INO80: variants seen among roughly 807,000 people sequenced by gnomAD.
INO80 encodes chromatin-remodeling ATPase INO80.
Under a neutral mutation model 203.4 loss-of-function variants are expected in INO80, and 20 were observed. The ratio of observed to expected loss-of-function variants is 0.10; its 90% CI spans 0.07 to 0.14. The LOEUF is 0.14. INO80 is among the 10% of genes least tolerant of loss of function. The pLI is 1.00. For synonymous variants in INO80, 726 were observed against 685.2 expected (o/e 1.06, Z -0.93); for missense variants, 1,419 against 1,914.4 (o/e 0.74, Z 4.83).
chr15:40,980,324 CATT>C lies in INO80; in HGVS notation c.4567_4569del (p.Asn1523del), dbSNP rs866276351. ...TGGAGGTTCTTGGGATTCCCAGGAA[CATT>C]ATTTCCCTTGCTCAAAGGGGAACTC... On this transcript the variant is annotated inframe_deletion, in exon 36 of 36. Transcript: ENST00000648947. The C allele has an allele frequency of 1.2e-6, 2 of 1,614,044 alleles. No individual in the cohort carries two copies. The highest frequency in any genetic ancestry group is 1.7e-6 in the Non-Finnish European group (2 of 1,180,028).
chr15:41,029,926 C>T (rs762161758), intron 24 of INO80, among the ~76,000 whole-genome samples: 4 of 152,218 alleles, frequency 2.6e-5, no homozygotes, highest in Non-Finnish European at 5.9e-5. Context: ...TCATCACCGC[C>T]AGCTAAGTAG....
In INO80 at chr15:41,036,286, A is replaced by C. The variant is rs115027920; in HGVS notation, c.2908-8550T>G. On this transcript the variant is annotated intron_variant, in intron 24 of 35. Coordinates refer to ENST00000648947, the MANE Select transcript of INO80 (RefSeq NM_017553.3). ...TGTTTTAGTCTCTAGGTTTTAAGATAACATGTTATATAACTACTACTACAG... is the reference window on the plus strand; with the variant it reads ...TGTTTTAGTCTCTAGGTTTTAAGATCACATGTTATATAACTACTACTACAG... Among the ~76,000 whole-genome samples, 894 of 152,076 alleles carry C rather than the reference A, an allele frequency of 5.9e-3. 9 individuals are homozygous for C. The highest frequency in any genetic ancestry group is 0.021 in the African/African-American group (863 of 41,468).
At chr15:41,075,541 G>A (rs1404084030) in intron 9 of INO80, among the ~76,000 whole-genome samples, 1 of 152,112 alleles carries the variant, frequency 6.6e-6, no homozygotes, top group Non-Finnish European at 1.5e-5. Context: ...TGCAAGCACT[G>A]CCTCCTGGGT....
chr15:41,044,269 T>C (rs2044717133), intron 24 of INO80, among the ~76,000 whole-genome samples: 1 of 152,230 alleles, frequency 6.6e-6, no homozygotes, highest in African/African-American at 2.4e-5. Flanking sequence ...AGGGGTTTTA[T>C]TCATAATAGC....
intron 28 of INO80, among the ~76,000 whole-genome samples, chr15:41,001,079 C>G (rs2043953551): frequency 6.6e-6 from 1 of 152,170 alleles, no homozygotes; most frequent in African/African-American, 2.4e-5. Context: ...GTATCTAAAT[C>G]AAACTACTAA....
At chr15:41,036,106 A>C (rs541843035) in intron 24 of INO80, among the ~76,000 whole-genome samples, 141 of 136,272 alleles carry the variant, frequency 1.0e-3, no homozygotes, top group African/African-American at 3.5e-3. Flanking sequence ...CAGTGAGCCG[A>C]GATCGCACCA....
chr15:41,033,057 CA>C (rs974655889), intron 24 of INO80, among the ~76,000 whole-genome samples: 2 of 151,896 alleles, frequency 1.3e-5, no homozygotes, highest in African/African-American at 2.4e-5. Flanking sequence ...AAAAAACAAA[CA>C]AAAAAAACTT....
intron 5 of INO80, among the ~76,000 whole-genome samples, chr15:41,088,291 C>T (rs555407488): frequency 4.6e-5 from 7 of 151,918 alleles, no homozygotes; most frequent in African/African-American, 1.7e-4. Flanking sequence ...GGTTTCACCA[C>T]GTTGGCCAGG....
intron 29 of INO80, among the ~76,000 whole-genome samples, chr15:40,989,573 A>G (rs1342060880): frequency 6.6e-6 from 1 of 152,080 alleles, no homozygotes; most frequent in Non-Finnish European, 1.5e-5. Context: ...CTCACAACCT[A>G]CATCTGGATT....
chr15:40,987,367 T>C (rs1156994331), intron 30 of INO80, among the ~76,000 whole-genome samples, 174 bp from the exon 31 acceptor site: 2 of 152,240 alleles, frequency 1.3e-5, no homozygotes, highest in African/African-American at 4.8e-5. Flanking sequence ...CCAGATTATT[T>C]GTCCGACAGA....
intron 30 of INO80, 96 bp downstream of exon 30, chr15:40,987,720 A>C: frequency 8.4e-7 from 1 of 1,188,944 alleles, no homozygotes; most frequent in Non-Finnish European, 1.2e-6. Context: ...GGACCAATGA[A>C]AGGCAAGAGA....
At chr15:41,096,119 T>C in intron 2 of INO80, 49 bp downstream of exon 2, 1 of 1,537,378 alleles carries the variant, frequency 6.5e-7, no homozygotes, top group Non-Finnish European at 8.8e-7. Context: ...GTAAGGATGA[T>C]GGAAATCAGG....
rs771526251 is a variant in INO80, at chr15:41,053,973, G to A, written c.2230C>T (p.Leu744=). 7 of 1,613,726 alleles carry A rather than the reference G, an allele frequency of 4.3e-6. No homozygotes were observed. In the Admixed American group the frequency reaches 1.2e-4, roughly 27 times the overall value. Residue 744 remains leucine (L), a synonymous_variant, in exon 19 of 36, where the codon CTG becomes TTG. Coordinates refer to ENST00000648947, the MANE Select transcript of INO80 (RefSeq NM_017553.3). The part of the protein sequence containing the change: ...RLHMILKPFM[L]RRIKKDVENE... Reference sequence around the variant, plus strand: ...TCCACATCTTTCTTGATTCTCCTCAGCATAAATGGCTTCAAAATCATGTGT... The same window carrying A: ...TCCACATCTTTCTTGATTCTCCTCAACATAAATGGCTTCAAAATCATGTGT...
At chr15:41,069,285 G>A (rs1426417263) in intron 14 of INO80, among the ~76,000 whole-genome samples, 1 of 150,204 alleles carries the variant, frequency 6.7e-6, no homozygotes, top group African/African-American at 2.5e-5. Flanking sequence ...TCCTGCCTCA[G>A]CCTCCTGAGC....
chr15:41,050,244 A>C (rs1172253566), intron 19 of INO80, 142 bp from the exon 20 acceptor site: 1 of 571,502 alleles, frequency 1.7e-6, no homozygotes, highest in Non-Finnish European at 3.1e-6. Flanking sequence ...AAACCTGTGA[A>C]TGTGGACAAT....
chr15:41,106,526 T>C (rs1596331530), intron 1 of INO80, among the ~76,000 whole-genome samples: 1 of 151,362 alleles, frequency 6.6e-6, no homozygotes, highest in African/African-American at 2.4e-5. Context: ...CCCCAGCTAT[T>C]TGGGAGGCTG....
At chr15:41,069,385 T>C in intron 14 of INO80, 185 bp downstream of exon 14, 3 of 459,206 alleles carry the variant, frequency 6.5e-6, no homozygotes, top group Non-Finnish European at 7.7e-6. Context: ...TTAGCCAGGA[T>C]GATCTCGACT....
At chr15:41,026,557 G>A (rs577231373) in intron 25 of INO80, among the ~76,000 whole-genome samples, 2 of 150,940 alleles carry the variant, frequency 1.3e-5, no homozygotes, top group Non-Finnish European at 3.0e-5. Flanking sequence ...TGTCTCAAAA[G>A]CATTAAAAAA....
At chr15:41,079,472 C>T (rs1205444662) in intron 9 of INO80, among the ~76,000 whole-genome samples, 1 of 150,540 alleles carries the variant, frequency 6.6e-6, no homozygotes, top group Admixed American at 6.7e-5. Flanking sequence ...AAAATTAAGT[C>T]TTTAAAAAAA....
Sources: allele counts gnomAD v4.1 joint callset (sites outside exome capture counted in the v4.1 genomes callset), GRCh38; gene constraint gnomAD v4.1.1; transcripts MANE v1.5; gene names NCBI Gene and HGNC (gene_info 2026-07-23, HGNC 2026-07-21).